Variants in PDK3 observed in about 807,000 individuals in gnomAD.
PDK3 encodes pyruvate dehydrogenase kinase, isozyme 3.
Under a neutral mutation model 32.0 loss-of-function variants are expected in PDK3, and 12 were observed. That is an observed-to-expected ratio of 0.37 (90% CI 0.24 to 0.61). The LOEUF (loss-of-function observed/expected upper bound fraction) is 0.61. Among genes scored for constraint, PDK3 ranks in the 20% least tolerant of loss-of-function variants. The pLI is 0.65. For synonymous variants in PDK3, 122 were observed against 116.3 expected (o/e 1.05, Z -0.31); for missense variants, 188 against 316.9 (o/e 0.59, Z 3.09).
downstream of PDK3, among the ~76,000 whole-genome samples, chrX:24,537,956 C>T (rs1265548131): frequency 8.9e-6 from 1 of 112,014 alleles, no homozygotes; most frequent in Non-Finnish European, 1.9e-5. Context: ...GCTTGAAATA[C>T]CTGGATCATA....
Position 24,518,855 on chromosome X carries a change from A to T in PDK3, c.596-78A>T, listed in dbSNP as rs1922324436. The T allele has an allele frequency of 1.1e-5, 6 of 539,121 alleles. No individual in the cohort carries two copies. In the East Asian group the frequency reaches 2.1e-4, roughly 19 times the overall value. The allele number at this position is 539,121 out of a possible 1,213,427, so 44.4% of individuals were successfully genotyped here. A position where few individuals can be genotyped will look rare whatever the true frequency, so the allele number is the denominator to read the frequency against. On this transcript the variant is annotated intron_variant, in intron 5 of 10. Transcript: ENST00000379162. The stretch of plus-strand genomic sequence containing the variant: ...CACATGTGCACACACACACACACAC[A>T]CACACACACACACACACACACACAC...
chrX:24,517,827 G>A (rs1248415191), intron 5 of PDK3, among the ~76,000 whole-genome samples: 1 of 111,762 alleles, frequency 8.9e-6, no homozygotes, highest in Non-Finnish European at 1.9e-5. Flanking sequence ...ATCAGCCCCA[G>A]CCTGTTACCT....
chrX:24,491,574 G>A (rs889665265), intron 1 of PDK3, among the ~76,000 whole-genome samples: 1 of 110,825 alleles, frequency 9.0e-6, no homozygotes, highest in African/African-American at 3.3e-5. Context: ...AAGGGTAGGG[G>A]ATTTTCACTA....
intron 2 of PDK3, among the ~76,000 whole-genome samples, chrX:24,497,097 C>G: frequency 9.2e-6 from 1 of 108,808 alleles, no homozygotes; most frequent in Non-Finnish European, 1.9e-5. Context: ...ATCTTTGGCT[C>G]CCTGCTATTT....
chrX:24,473,294 A>G (rs1406456665), intron 1 of PDK3, among the ~76,000 whole-genome samples: 1 of 106,002 alleles, frequency 9.4e-6, no homozygotes, highest in Non-Finnish European at 1.9e-5. Flanking sequence ...GAATTACTTG[A>G]ACCTGGGAGG....
At chrX:24,512,382 C>T (rs767453510) in intron 5 of PDK3, among the ~76,000 whole-genome samples, 24 of 111,983 alleles carry the variant, frequency 2.1e-4, no homozygotes, top group African/African-American at 7.1e-4. Flanking sequence ...ATCCTCAGAG[C>T]GCGTGGCATT....
chrX:24,536,396 A>G (rs191060315), downstream of PDK3, among the ~76,000 whole-genome samples: 9 of 111,234 alleles, frequency 8.1e-5, no homozygotes, highest in Admixed American at 7.6e-4. Flanking sequence ...TCCTTTGTCA[A>G]TTATTCTCCT....
intron 1 of PDK3, among the ~76,000 whole-genome samples, chrX:24,481,322 C>T (rs779324804): frequency 1.8e-4 from 20 of 112,174 alleles, no homozygotes; most frequent in Non-Finnish European, 2.8e-4. Context: ...TGAGCCACCG[C>T]GCCTGGCCCC....
intron 5 of PDK3, among the ~76,000 whole-genome samples, chrX:24,514,796 T>C (rs1434642727): frequency 8.9e-6 from 1 of 111,839 alleles, no homozygotes; most frequent in Non-Finnish European, 1.9e-5. Context: ...GGAAGTGGCC[T>C]AGCTTCTCTT....
chrX:24,471,066 C>G (rs1347994021), intron 1 of PDK3, among the ~76,000 whole-genome samples: 10 of 110,143 alleles, frequency 9.1e-5, no homozygotes. Flanking sequence ...GGTGGGGGGG[C>G]TAGGGGAGAG....
chrX:24,496,561 C>T (rs1478021119), intron 2 of PDK3, among the ~76,000 whole-genome samples: 1 of 54,429 alleles, frequency 1.8e-5, no homozygotes, highest in Non-Finnish European at 3.7e-5. Flanking sequence ...CCTGATACTA[C>T]CCCCATCTTT....
chrX:24,532,140 C>A (rs1922665148), intron 10 of PDK3, among the ~76,000 whole-genome samples: 1 of 110,502 alleles, frequency 9.0e-6, no homozygotes, highest in African/African-American at 3.3e-5. Flanking sequence ...GTGGTGCACG[C>A]CTGTAGTCCC....
intron 6 of PDK3, among the ~76,000 whole-genome samples, chrX:24,525,977 C>T (rs1282336175): frequency 8.9e-6 from 1 of 112,475 alleles, no homozygotes; most frequent in Non-Finnish European, 1.9e-5. Context: ...GTGATTTATC[C>T]AAGGTCACAT....
At chrX:24,526,137 C>G in intron 6 of PDK3, 61 bp from the exon 7 acceptor site, 1 of 841,246 alleles carries the variant, frequency 1.2e-6, no homozygotes, top group Admixed American at 2.4e-5. Context: ...ATGCAAACAT[C>G]ATTCTTGAAT....
downstream of PDK3, among the ~76,000 whole-genome samples, chrX:24,535,995 G>A (rs1233907038): frequency 1.1e-5 from 1 of 93,905 alleles, no homozygotes; most frequent in African/African-American, 3.8e-5. Context: ...AGGAAGGAAG[G>A]AAAGGGAGGG....
chrX:24,547,315 C>A (rs1923018341), exon 12 of PDK3: 1 of 112,351 alleles, frequency 8.9e-6, no homozygotes, highest in African/African-American at 3.2e-5. Flanking sequence ...AAAAGTATTT[C>A]TCTGTTCTAT....
intron 5 of PDK3, among the ~76,000 whole-genome samples, chrX:24,516,744 T>C (rs188778357): frequency 5.2e-4 from 58 of 111,085 alleles, no homozygotes; most frequent in Admixed American, 4.2e-3. Context: ...AACTTGATTA[T>C]AGTGATTAAT....
chrX:24,486,671 A>T (rs1291422739), intron 1 of PDK3, among the ~76,000 whole-genome samples: 1 of 111,199 alleles, frequency 9.0e-6, no homozygotes, highest in African/African-American at 3.3e-5. Flanking sequence ...TCACTCTGTC[A>T]CCTGGGCTGG....
intron 1 of PDK3, among the ~76,000 whole-genome samples, chrX:24,470,687 C>CAAAAA (rs58511156): frequency 1.1e-4 from 3 of 26,250 alleles, no homozygotes; most frequent in African/African-American, 1.2e-4. Context: ...AACGGCATCT[C>CAAAAA]AAAAAAAAAA....
Sources: gnomAD v4.1 joint callset for allele counts (sites outside exome capture counted in the v4.1 genomes callset) on GRCh38, gnomAD v4.1.1 for gene constraint, MANE v1.5 for transcripts, NCBI Gene and HGNC (gene_info 2026-07-23, HGNC 2026-07-21) for gene names.